Variants in CSMD2 observed in about 807,000 individuals in gnomAD.
The protein encoded by CSMD2 is CUB and Sushi multiple domains 2.
Under a neutral mutation model 398.5 loss-of-function variants are expected in CSMD2, and 130 were observed. The ratio of observed to expected loss-of-function variants is 0.33; its 90% CI spans 0.28 to 0.38. The LOEUF is 0.38. Among genes scored for constraint, CSMD2 ranks in the 10% least tolerant of loss-of-function variants. The probability of loss-of-function intolerance (pLI) is 1.00; values close to 1 mark genes in which losing one functional copy is unlikely to be tolerated. For missense variants in CSMD2, 3,829 were observed against 4,764.9 expected, an observed-to-expected ratio of 0.80 and a Z score of 5.78; for synonymous variants, 1,828 against 1,908.5, an observed-to-expected ratio of 0.96 and a Z score of 1.10.
intron 42 of CSMD2, among the ~76,000 whole-genome samples, chr1:33,604,095 A>C (rs1640416911): frequency 6.6e-6 from 1 of 152,224 alleles, no homozygotes; most frequent in African/African-American, 2.4e-5. Flanking sequence ...CAAGGGAAGA[A>C]GGCTTCTGAG....
chr1:33,779,720 C>T (rs1652461216), intron 12 of CSMD2, among the ~76,000 whole-genome samples: 2 of 152,244 alleles, frequency 1.3e-5, no homozygotes, highest in Admixed American at 1.3e-4. Flanking sequence ...TTCTCTCTCG[C>T]TCCCAGCCCC....
chr1:33,694,439 G>T (rs530804079), intron 24 of CSMD2, among the ~76,000 whole-genome samples: 1 of 152,256 alleles, frequency 6.6e-6, no homozygotes, highest in African/African-American at 2.4e-5. Flanking sequence ...GGAACCTGGT[G>T]GGAGGTGACT....
chr1:34,015,146 C>A (rs1321857066), intron 3 of CSMD2, among the ~76,000 whole-genome samples: 2 of 152,204 alleles, frequency 1.3e-5, no homozygotes, highest in Non-Finnish European at 2.9e-5. Flanking sequence ...CTAGCTGGAG[C>A]CCCCAGAACC....
intron 1 of CSMD2, among the ~76,000 whole-genome samples, chr1:34,158,511 G>C (rs1246326102): frequency 6.6e-6 from 1 of 152,224 alleles, no homozygotes; most frequent in East Asian, 1.9e-4. Context: ...GATGGGTTGA[G>C]TGAGGGGACC....
chr1:33,913,891 C>G (rs567852303), intron 5 of CSMD2, among the ~76,000 whole-genome samples: 2 of 152,152 alleles, frequency 1.3e-5, no homozygotes, highest in South Asian at 4.2e-4. Flanking sequence ...GATTCTGGAT[C>G]TAGTGGCTTC....
intron 4 of CSMD2, among the ~76,000 whole-genome samples, chr1:33,927,115 A>G (rs1235862389): frequency 6.6e-6 from 1 of 152,180 alleles, no homozygotes; most frequent in African/African-American, 2.4e-5. Context: ...CAAGACTGAG[A>G]GCACCAGGGC....
At chr1:33,611,319 A>C (rs1217967746) in intron 40 of CSMD2, 69 bp from the exon 41 acceptor site, 29 of 1,338,904 alleles carry the variant, frequency 2.2e-5, no homozygotes, top group African/African-American at 2.9e-5. Context: ...CTGCCTCATG[A>C]AAGCAGCTCC....
At chr1:33,807,958 G>A (rs758110268) in intron 10 of CSMD2, among the ~76,000 whole-genome samples, 5 of 152,008 alleles carry the variant, frequency 3.3e-5, no homozygotes, top group Non-Finnish European at 7.4e-5. Context: ...AAGACCAAGA[G>A]AAAACTGATG....
At chr1:34,121,140 T>A (rs1416544305) in intron 1 of CSMD2, among the ~76,000 whole-genome samples, 2 of 152,132 alleles carry the variant, frequency 1.3e-5, no homozygotes, top group Non-Finnish European at 2.9e-5. Flanking sequence ...GTTGAATGAA[T>A]GAGCGAATGT....
chr1:34,000,328 A>G (rs1646861893), intron 3 of CSMD2, among the ~76,000 whole-genome samples: 2 of 152,148 alleles, frequency 1.3e-5, no homozygotes, highest in African/African-American at 2.4e-5. Flanking sequence ...AGGAGAGACC[A>G]TGTGCCTTTT....
intron 3 of CSMD2, among the ~76,000 whole-genome samples, chr1:33,951,632 C>T (rs1376246594): frequency 6.6e-6 from 1 of 152,314 alleles, no homozygotes; most frequent in East Asian, 1.9e-4. Flanking sequence ...CTCCAATCCT[C>T]GCTCCAACAC....
rs114897310 is a variant in CSMD2, at chr1:33,737,210, C to T, written c.2368+1930G>A. On this transcript the variant is annotated intron_variant, in intron 15 of 70. Coordinates refer to ENST00000373381, the MANE Select transcript of CSMD2 (RefSeq NM_001281956.2). ...ACTGAGTTTCGTGTTGTTTCTCTAA[C>T]TCCAAAGCTTCTGTTCTTTCCAAAA... is the stretch of plus-strand genomic sequence containing the variant. Among the ~76,000 whole-genome samples, 905 of 152,310 alleles carry T rather than the reference C, an allele frequency of 5.9e-3. 8 individuals carry two copies. The highest frequency in any genetic ancestry group is 0.021 in the African/African-American group (862 of 41,576).
intron 55 of CSMD2, among the ~76,000 whole-genome samples, chr1:33,552,788 C>T (rs919850215): frequency 4.0e-5 from 6 of 151,738 alleles, no homozygotes; most frequent in African/African-American, 1.5e-4. Context: ...GTGGGGTGGG[C>T]AATGGGGAGT....
chr1:33,730,517 T>C (rs1646684538), intron 15 of CSMD2, among the ~76,000 whole-genome samples: 2 of 152,036 alleles, frequency 1.3e-5, no homozygotes, highest in South Asian at 2.1e-4. Context: ...AATGCAATGC[T>C]AGATTAGTTG....
At chr1:33,741,553 T>A (rs1015862985) in intron 14 of CSMD2, among the ~76,000 whole-genome samples, 4 of 152,232 alleles carry the variant, frequency 2.6e-5, no homozygotes, top group Non-Finnish European at 5.9e-5. Context: ...TAGAAAACTA[T>A]GTGATATCTG....
At chr1:33,962,614 C>A (rs1048170422) in intron 3 of CSMD2, among the ~76,000 whole-genome samples, 1 of 152,168 alleles carries the variant, frequency 6.6e-6, no homozygotes, top group African/African-American at 2.4e-5. Flanking sequence ...GCCTGCAGGG[C>A]CCCAGGTGAG....
chr1:33,973,548 TGG>T (rs1558184306), intron 3 of CSMD2, among the ~76,000 whole-genome samples: 1 of 152,202 alleles, frequency 6.6e-6, no homozygotes, highest in African/African-American at 2.4e-5. Flanking sequence ...ACAAGGTAGC[TGG>T]GTGTGATAAC....
chr1:33,590,609 A>ACACG, intron 44 of CSMD2, among the ~76,000 whole-genome samples: 1 of 150,906 alleles, frequency 6.6e-6, no homozygotes, highest in East Asian at 2.0e-4. Flanking sequence ...ACACACACAC[A>ACACG]CACACACACA....
intron 13 of CSMD2, among the ~76,000 whole-genome samples, chr1:33,762,650 T>A (rs1321397622): frequency 6.6e-6 from 1 of 152,222 alleles, no homozygotes; most frequent in Non-Finnish European, 1.5e-5. Flanking sequence ...TGCTACAATC[T>A]TCCAAGAAGA....
Sources: gnomAD v4.1 joint callset for allele counts (sites outside exome capture counted in the v4.1 genomes callset) on GRCh38, gnomAD v4.1.1 for gene constraint, MANE v1.5 for transcripts, NCBI Gene and HGNC (gene_info 2026-07-23, HGNC 2026-07-21) for gene names.